The following ATM variants were observed in gnomAD, a reference collection of about 807,000 sequenced individuals.
The protein encoded by ATM is serine-protein kinase ATM.
In ATM, 308 loss-of-function variants were observed where a neutral mutation model predicts 387.0. That is an observed-to-expected ratio of 0.80 (90% CI 0.73 to 0.87). The LOEUF is 0.87. Ranked by LOEUF, ATM falls within the 40% of genes least tolerant of loss-of-function variation. The pLI is 0.00. For missense variants in ATM, 3,312 were observed against 3,560.9 expected (o/e 0.93, Z 1.78); for synonymous variants, 1,156 against 1,187.3 (o/e 0.97, Z 0.54).
intron 14 of ATM, among the ~76,000 whole-genome samples, chr11:108,256,681 T>G (rs1254754972): frequency 6.6e-6 from 1 of 151,930 alleles, no homozygotes; most frequent in South Asian, 2.1e-4. Flanking sequence ...CCCGACCCCC[T>G]GTCAGGCCCT....
rs1399938610 is a variant in ATM at position 108,317,433 on chromosome 11, G to A, written c.6259G>A (p.Glu2087Lys). ...LSVYLKGLDY[E>K]NKDWCPELEE... is the part of the protein sequence containing the mutation. Reference sequence around the variant, plus strand: ...CGTCTATTTAAAAGGATTGGATTATGAAAATAAAGACTGGTGTCCTGAACT... The same window carrying A: ...CGTCTATTTAAAAGGATTGGATTATAAAAATAAAGACTGGTGTCCTGAACT... Residue 2087 changes from glutamate (E) to lysine (K), a missense_variant, in exon 43 of 63, where the codon GAA becomes AAA. By Grantham distance (56) the Glu-to-Lys change is moderately conservative. This residue lies in a region of ATM where 1,405 missense variants were observed against 1,604.4 expected (regional missense o/e 0.88). Coordinates refer to ENST00000675843, the MANE Select transcript of ATM (RefSeq NM_000051.4). The A allele has an allele frequency of 1.2e-6, 2 of 1,611,658 alleles. No individual in the cohort carries two copies. The highest frequency in any genetic ancestry group is 1.7e-6 in the Non-Finnish European group (2 of 1,178,948).
intron 58 of ATM, 90 bp from the exon 59 acceptor site, chr11:108,347,189 C>A: frequency 2.0e-6 from 2 of 1,002,404 alleles, no homozygotes; most frequent in Non-Finnish European, 3.2e-6. Context: ...AAAGATTATA[C>A]CAAGTCAGTG....
At chr11:108,299,169 T>C (rs1458567769) in intron 33 of ATM, among the ~76,000 whole-genome samples, 1 of 152,198 alleles carries the variant, frequency 6.6e-6, no homozygotes, top group African/African-American at 2.4e-5. Context: ...GAAAATGTCC[T>C]GTCTTCATCT....
chr11:108,348,571 AGT>A (rs748572123), intron 59 of ATM, among the ~76,000 whole-genome samples: 4 of 151,970 alleles, frequency 2.6e-5, no homozygotes, highest in Admixed American at 6.5e-5. Context: ...ATAAGAAAGA[AGT>A]GTGAATGTAA....
At chr11:108,308,024 A>G in intron 38 of ATM, 40 bp downstream of exon 38, 1 of 1,547,876 alleles carries the variant, frequency 6.5e-7, no homozygotes, top group South Asian at 1.1e-5. Context: ...TAGGATCTAG[A>G]GTGTAACTTG....
rs2085651553 is a variant in ATM at position 108,326,100 on chromosome 11, G to T, written c.6850G>T (p.Val2284Phe). The change falls in exon 47 of 63, where the codon GTT (valine) becomes TTT (phenylalanine). Residue 2284 changes from valine (V) to phenylalanine (F), a missense_variant. Around this residue, in one of 4 missense-constraint regions of ATM, gnomAD observed 1,405 missense variants for 1,604.4 expected, o/e 0.88. Transcript: ENST00000675843. ...ATTTCAAATTAAACAGTACAATTCA[G>T]TTAGCTGTGGAGTCTCTGAGTGGCA... is the stretch of plus-strand genomic sequence containing the variant. ...AIFQIKQYNS[V>F]SCGVSEWQLE... The T allele has an allele frequency of 6.2e-7, 1 of 1,614,094 alleles. No homozygotes were observed.
intron 56 of ATM, among the ~76,000 whole-genome samples, chr11:108,340,612 C>T (rs368128490): frequency 2.2e-4 from 33 of 152,322 alleles, no homozygotes; most frequent in African/African-American, 7.7e-4. Flanking sequence ...AGAGTTTAAA[C>T]CAACAGTTTA....
At chr11:108,356,014 G>A (rs1272063416) in intron 61 of ATM, 1 of 152,198 alleles carries the variant, frequency 6.6e-6, no homozygotes, top group Admixed American at 6.5e-5. Flanking sequence ...ATCCAAGGCT[G>A]TGCTATTCCC....
At chr11:108,258,420 A>G (rs909542780) in intron 15 of ATM, among the ~76,000 whole-genome samples, 6 of 152,188 alleles carry the variant, frequency 3.9e-5, no homozygotes, top group African/African-American at 1.4e-4. Flanking sequence ...GACCCAAACT[A>G]TGTGGTATGC....
chr11:108,260,907 C>A (rs2080832193), intron 16 of ATM, among the ~76,000 whole-genome samples: 1 of 152,152 alleles, frequency 6.6e-6, no homozygotes. Context: ...CGGGTCACTC[C>A]CCGAATACTG....
intron 30 of ATM, 53 bp downstream of exon 30, chr11:108,292,846 T>C: frequency 6.3e-7 from 1 of 1,582,600 alleles, no homozygotes; most frequent in East Asian, 2.2e-5. Flanking sequence ...AAAGTATTGT[T>C]AGAAGGATTT....
intron 6 of ATM, 130 bp downstream of exon 6, chr11:108,244,248 A>G: frequency 9.2e-7 from 1 of 1,091,236 alleles, no homozygotes; most frequent in East Asian, 2.6e-5. Flanking sequence ...GAACTAGTGG[A>G]TTCCTAAAGA....
intron 37 of ATM, among the ~76,000 whole-genome samples, chr11:108,305,136 G>A (rs2083622079): frequency 6.6e-6 from 1 of 152,130 alleles, no homozygotes; most frequent in Non-Finnish European, 1.5e-5. Flanking sequence ...TATGTGTCAG[G>A]CACTGTGCTT....
chr11:108,233,745 G>A (rs947443782), intron 4 of ATM, among the ~76,000 whole-genome samples: 1 of 152,036 alleles, frequency 6.6e-6, no homozygotes, highest in African/African-American at 2.4e-5. Context: ...TACCTGGGAG[G>A]CTGACATGGG....
chr11:108,297,831 C>CT (rs1222818977), intron 33 of ATM, among the ~76,000 whole-genome samples: 3 of 152,078 alleles, frequency 2.0e-5, no homozygotes, highest in African/African-American at 7.2e-5. Context: ...TTGTACTTTT[C>CT]TTCCTTAAAT....
chr11:108,272,143 G>A (rs2081616982), intron 20 of ATM, among the ~76,000 whole-genome samples: 1 of 152,104 alleles, frequency 6.6e-6, no homozygotes, highest in Non-Finnish European at 1.5e-5. Context: ...CCAAAGTGTT[G>A]GGATTACAGG....
At position 108,235,746 on chromosome 11, in the gene ATM, T is replaced by G; in HGVS notation, c.408T>G (p.Ile136Met). ...DTVKDSSNGA[I>M]YGADCSNILL... ...TGAAAGATTCATCTAATGGTGCTAT[T>G]TACGGAGCTGATTGTAGCAACATAC... Residue 136 changes from isoleucine to methionine, a missense_variant, in exon 5 of 63, where the codon ATT (isoleucine) becomes ATG (methionine). Coordinates refer to ENST00000675843, the MANE Select transcript of ATM (RefSeq NM_000051.4). 6.2e-7 allele frequency: 1 copy of G among 1,612,912 alleles called. No individual in the cohort carries two copies. The highest frequency in any genetic ancestry group is 8.5e-7 in the Non-Finnish European group (1 of 1,179,024).
chr11:108,346,218 G>C (rs989953640), intron 58 of ATM, among the ~76,000 whole-genome samples: 1 of 151,924 alleles, frequency 6.6e-6, no homozygotes, highest in African/African-American at 2.4e-5. Flanking sequence ...TATTTTCTGA[G>C]ACTTTCTTTG....
chr11:108,273,569 T>G (rs2081748144), intron 22 of ATM, among the ~76,000 whole-genome samples: 1 of 152,078 alleles, frequency 6.6e-6, no homozygotes, highest in Non-Finnish European at 1.5e-5. Flanking sequence ...CTTGAACTCC[T>G]GACCTCAGGT....
Sources: gnomAD v4.1 joint callset for allele counts (sites outside exome capture counted in the v4.1 genomes callset) on GRCh38, gnomAD v4.1.1 for gene constraint, gnomAD v4.1.1 regional missense constraint, MANE v1.5 for transcripts, NCBI Gene and HGNC (gene_info 2026-07-23, HGNC 2026-07-21) for gene names.